The following PLAG1 variants were observed in gnomAD, a reference collection of about 807,000 sequenced individuals.
PLAG1 encodes the protein PLAG1 zinc finger.
In PLAG1, 7 loss-of-function variants were observed where a neutral mutation model predicts 35.5. The observed-to-expected ratio is 0.20, with a 90% CI of 0.11 to 0.37. PLAG1 has a LOEUF of 0.37. Among genes scored for constraint, PLAG1 ranks in the 10% least tolerant of loss-of-function variants. PLAG1 has a pLI of 1.00. For synonymous variants in PLAG1, 229 were observed against 225.4 expected (o/e 1.02, Z -0.14); for missense variants, 454 against 602.8 (o/e 0.75, Z 2.58).
Position 56,166,915 on chromosome 8 carries a change from C to T in PLAG1, c.831G>A (p.Leu277=). ...LPVMSLPSSE[L]LSKPFTNTLQ... ...AAGTGTTTGTGAATGGCTTTGATAA[C>T]AGTTCACTGGAAGGTAAGGACATCA... Residue 277 remains leucine, a synonymous_variant, in exon 5 of 5, where the codon CTG becomes CTA. Coordinates refer to ENST00000316981, the MANE Select transcript of PLAG1 (RefSeq NM_002655.3). The T allele has an allele frequency of 6.2e-7, 1 of 1,614,076 alleles. No homozygotes were observed. Among genetic ancestry groups the T allele is most frequent in the Non-Finnish European group, 8.5e-7 (1 of 1,179,982 alleles).
intron 1 of PLAG1, among the ~76,000 whole-genome samples, chr8:56,210,096 CACGTTTTCTCAT>C (rs1445060255): frequency 6.6e-6 from 1 of 152,036 alleles, no homozygotes; most frequent in Non-Finnish European, 1.5e-5. Context: ...ATCGGATTTT[CACGTTTTCTCAT>C]TGTCGGTTGA....
rs1245667259 is a variant in PLAG1 at position 56,167,203 on chromosome 8, T to C, written c.543A>G (p.Lys181=). The C allele has an allele frequency of 6.2e-7, 1 of 1,614,032 alleles. No individual in the cohort carries two copies. Among genetic ancestry groups the C allele is most frequent in the South Asian group, 1.1e-5 (1 of 91,082 alleles). ...AATGTTCGCACTGGTGCTTTTTTTC[T>C]TTAACCCCACCAGACGACTTGCCTG... ...SHAGKSSGGV[K]EKKHQCEHCD... is the part of the protein sequence containing the mutation. The change falls in exon 5 of 5, where the codon AAA becomes AAG. Residue 181 remains lysine, a synonymous_variant. Transcript: ENST00000316981. This position sits in a 1 kb window ranked among gnomAD's most constrained non-coding sequence, Gnocchi z 5.9.
At chr8:56,183,892 A>G (rs547340483) in intron 1 of PLAG1, among the ~76,000 whole-genome samples, 37 of 152,348 alleles carry the variant, frequency 2.4e-4, no homozygotes, top group Non-Finnish European at 4.1e-4. Context: ...GGAAGAAAGC[A>G]GAAAAATTTC....
intron 1 of PLAG1, among the ~76,000 whole-genome samples, chr8:56,192,413 G>A (rs1812211918): frequency 6.6e-6 from 1 of 152,178 alleles, no homozygotes; most frequent in South Asian, 2.1e-4. Context: ...ATAAACTGTG[G>A]TCATTCATTC....
chr8:56,173,246 A>C (rs900924762), intron 2 of PLAG1, among the ~76,000 whole-genome samples: 1 of 152,158 alleles, frequency 6.6e-6, no homozygotes, highest in Non-Finnish European at 1.5e-5. Flanking sequence ...ACAGTCTAAA[A>C]TAACACAGCC....
intron 1 of PLAG1, among the ~76,000 whole-genome samples, chr8:56,194,219 A>G (rs1017888084): frequency 2.7e-5 from 4 of 150,094 alleles, no homozygotes; most frequent in African/African-American, 9.8e-5. Flanking sequence ...CAGGAGGCTG[A>G]GGCAAGAGAA....
chr8:56,181,924 G>A (rs752930578), intron 1 of PLAG1, among the ~76,000 whole-genome samples: 2 of 152,266 alleles, frequency 1.3e-5, no homozygotes, highest in Non-Finnish European at 2.9e-5. Flanking sequence ...AATTAAGAAA[G>A]ACAAAGAAAA....
chr8:56,206,071 AT>A (rs577320502), intron 1 of PLAG1, among the ~76,000 whole-genome samples: 133 of 151,150 alleles, frequency 8.8e-4, no homozygotes, highest in Middle Eastern at 3.4e-3. Flanking sequence ...TCTGATAAGC[AT>A]TTTTTTTTAA....
At position 56,164,364 on chromosome 8, in the gene PLAG1, T is replaced by A. The variant is rs1444767920; in HGVS notation, c.*1879A>T. The A allele has an allele frequency of 4.6e-6, 1 of 217,674 alleles. No individual in the cohort carries two copies. 13.5% of individuals were successfully genotyped at this position (217,674 alleles called of 1,614,324 possible). ...TTATATATATATATTGAAGCCCCCA[T>A]TTACATTATTACAATTTACATTTCT... On this transcript the variant is annotated 3_prime_UTR_variant, in exon 5 of 5. Transcript: ENST00000316981.
intron 1 of PLAG1, among the ~76,000 whole-genome samples, chr8:56,190,989 G>A (rs1407962172): frequency 2.0e-5 from 3 of 152,182 alleles, no homozygotes; most frequent in Non-Finnish European, 4.4e-5. Flanking sequence ...TGACGTGCTG[G>A]AGGAACGTGG....
intron 1 of PLAG1, among the ~76,000 whole-genome samples, chr8:56,197,710 G>A (rs1487341644): frequency 6.6e-6 from 1 of 152,216 alleles, no homozygotes. Context: ...GTATTCTGGG[G>A]GGTGTGCATC....
At chr8:56,206,988 T>C (rs974486800) in intron 1 of PLAG1, among the ~76,000 whole-genome samples, 4 of 152,000 alleles carry the variant, frequency 2.6e-5, no homozygotes, top group Non-Finnish European at 5.9e-5. Flanking sequence ...AAAATTAATA[T>C]TTATTTCTTA....
intron 1 of PLAG1, among the ~76,000 whole-genome samples, chr8:56,205,795 T>C (rs1471305452): frequency 6.6e-6 from 1 of 151,944 alleles, no homozygotes; most frequent in African/African-American, 2.4e-5. Context: ...CACTTTTAAA[T>C]GTAAGGAAAT....
intron 1 of PLAG1, among the ~76,000 whole-genome samples, chr8:56,199,033 G>A (rs1812466876): frequency 6.6e-6 from 1 of 152,230 alleles, no homozygotes; most frequent in Non-Finnish European, 1.5e-5. Flanking sequence ...CTAGAGAGAG[G>A]TAGAGACTAA....
At chr8:56,179,894 T>C (rs544689832) in intron 1 of PLAG1, among the ~76,000 whole-genome samples, 5 of 152,128 alleles carry the variant, frequency 3.3e-5, no homozygotes, top group Non-Finnish European at 5.9e-5. Flanking sequence ...CCTTAACAAT[T>C]GCTATGGGAG....
At chr8:56,209,975 T>C (rs1812811883) in intron 1 of PLAG1, among the ~76,000 whole-genome samples, 1 of 152,204 alleles carries the variant, frequency 6.6e-6, no homozygotes, top group African/African-American at 2.4e-5. Context: ...AAAAGAGAGT[T>C]ATAAAATAGC....
At chr8:56,199,728 A>AC (rs71555634) in intron 1 of PLAG1, among the ~76,000 whole-genome samples, 16,229 of 148,694 alleles carry the variant, frequency 0.11, 1,015 homozygotes, top group Non-Finnish European at 0.14. Context: ...CGTCTCCACC[A>AC]CCCCCCCCGA....
rs187486689 is a variant in PLAG1, at chr8:56,196,991, C to A, written c.-322+14130G>T. Among the ~76,000 whole-genome samples, 10 of 104,348 alleles carry A rather than the reference C, an allele frequency of 9.6e-5. No homozygotes were observed. In the East Asian group the frequency reaches 2.8e-3, roughly 29 times the overall value. The allele number at this position is 104,348 out of a possible 152,430, so 68.5% of individuals were successfully genotyped here. ...GTGTGTGTGTGTGTGTGTGTGTGCT[C>A]CTCTCTCCCCTCCAGGGCTGTGTAT... On this transcript the variant is annotated intron_variant, in intron 1 of 4. Transcript: ENST00000316981.
intron 1 of PLAG1, among the ~76,000 whole-genome samples, chr8:56,187,660 G>GT (rs1011696392): frequency 1.7e-4 from 26 of 151,854 alleles, no homozygotes; most frequent in African/African-American, 4.6e-4. Context: ...ATAAGGGTTT[G>GT]TTTTTTTTGG....
Sources: allele counts gnomAD v4.1 joint callset (sites outside exome capture counted in the v4.1 genomes callset), GRCh38; gene constraint gnomAD v4.1.1; non-coding constraint Gnocchi (gnomAD v3.1); transcripts MANE v1.5; gene names NCBI Gene and HGNC (gene_info 2026-07-23, HGNC 2026-07-21).